RIN2: variants seen among roughly 807,000 people sequenced by gnomAD.
RIN2 encodes the protein Ras and Rab interactor 2.
In RIN2, 36 loss-of-function variants were observed where a neutral mutation model predicts 78.0. The ratio of observed to expected loss-of-function variants is 0.46; its 90% CI spans 0.35 to 0.61. The LOEUF (loss-of-function observed/expected upper bound fraction) is 0.61, where lower values mean the gene tolerates loss of function less well. Ranked by LOEUF, RIN2 falls within the 20% of genes least tolerant of loss-of-function variation. The pLI, the probability that RIN2 is intolerant of heterozygous loss-of-function variation, is 0.00. For missense variants in RIN2, 1,087 were observed against 1,159.7 expected, an observed-to-expected ratio of 0.94 and a Z score of 0.91; for synonymous variants, 466 against 466.8, an observed-to-expected ratio of 1.00 and a Z score of 0.02.
At chr20:19,939,490 G>A (rs770852078) in intron 4 of RIN2, among the ~76,000 whole-genome samples, 8 of 152,200 alleles carry the variant, frequency 5.3e-5, no homozygotes, top group Non-Finnish European at 8.8e-5. Context: ...GTTCACCTAA[G>A]TCCAAGACAC....
intron 2 of RIN2, chr20:19,886,817 G>A: frequency 7.6e-7 from 1 of 1,316,132 alleles, no homozygotes. Flanking sequence ...CTGTTACTGG[G>A]ATGGTTTTAG....
intron 2 of RIN2, among the ~76,000 whole-genome samples, chr20:19,833,503 ATGTCCCT>A (rs1239959370): frequency 6.6e-6 from 1 of 152,152 alleles, no homozygotes; most frequent in Non-Finnish European, 1.5e-5. Context: ...TTAAGTACAA[ATGTCCCT>A]TGGTGTTCAG....
At chr20:19,796,086 G>GAAAAAAAAGA (rs1555820689) in intron 1 of RIN2, among the ~76,000 whole-genome samples, 6 of 123,222 alleles carry the variant, frequency 4.9e-5, no homozygotes. Flanking sequence ...AAAGAGCAAA[G>GAAAAAAAAGA]AAAAAAAAGA....
At chr20:19,855,229 G>A (rs1475663528) in intron 2 of RIN2, among the ~76,000 whole-genome samples, 1 of 152,114 alleles carries the variant, frequency 6.6e-6, no homozygotes, top group African/African-American at 2.4e-5. Context: ...CAGGGATGAA[G>A]CCCACTTGAT....
chr20:19,965,067 T>C, intron 7 of RIN2, 43 bp downstream of exon 7: 2 of 1,502,214 alleles, frequency 1.3e-6, no homozygotes, highest in South Asian at 1.1e-5. Context: ...CCCTGTTTGG[T>C]GTGTGGGATA....
intron 12 of RIN2, among the ~76,000 whole-genome samples, chr20:19,999,866 G>A (rs1019679616): frequency 1.3e-5 from 2 of 152,148 alleles, no homozygotes; most frequent in African/African-American, 4.8e-5. Flanking sequence ...TTCTCCTTCT[G>A]ACTTTTTCCA....
chr20:19,775,163 G>A (rs1354205103), intron 1 of RIN2, among the ~76,000 whole-genome samples: 2 of 152,144 alleles, frequency 1.3e-5, no homozygotes, highest in Non-Finnish European at 2.9e-5. Context: ...CAAATGCATT[G>A]GTAGCAGTTT....
chr20:19,920,011 C>G (rs2039844406), intron 3 of RIN2, among the ~76,000 whole-genome samples: 1 of 151,926 alleles, frequency 6.6e-6, no homozygotes. Context: ...AACGTCATCC[C>G]AGGCCGGGCG....
chr20:19,993,289 GT>G (rs1276242703), intron 11 of RIN2, among the ~76,000 whole-genome samples: 3 of 149,630 alleles, frequency 2.0e-5, no homozygotes, highest in Non-Finnish European at 4.4e-5. Context: ...TTTTTTTCCC[GT>G]GAGTTTCAGT....
At chr20:19,904,459 A>AG (rs1166871006) in intron 3 of RIN2, among the ~76,000 whole-genome samples, 1 of 151,944 alleles carries the variant, frequency 6.6e-6, no homozygotes, top group Non-Finnish European at 1.5e-5. Flanking sequence ...GATGGGGATG[A>AG]GGGGCAGGGC....
chr20:19,853,407 A>G (rs567099497), intron 2 of RIN2, among the ~76,000 whole-genome samples: 2 of 152,234 alleles, frequency 1.3e-5, no homozygotes, highest in East Asian at 3.9e-4. Flanking sequence ...CAGTAATGGG[A>G]TGGCTGGGTC....
chr20:19,952,222 G>C (rs1008391273), intron 4 of RIN2, among the ~76,000 whole-genome samples: 1 of 152,198 alleles, frequency 6.6e-6, no homozygotes, highest in East Asian at 1.9e-4. Flanking sequence ...TATGTCACTG[G>C]CAGTGAGTCT....
chr20:19,926,597 A>G (rs1834906089), intron 3 of RIN2, among the ~76,000 whole-genome samples: 1 of 152,044 alleles, frequency 6.6e-6, no homozygotes. Flanking sequence ...CTGTTTGGGT[A>G]ATGCGGTTTT....
At chr20:19,979,801 A>G (rs199585) in intron 9 of RIN2, among the ~76,000 whole-genome samples, 59,780 of 151,518 alleles carry the variant, frequency 0.39, 12,038 homozygotes, top group Non-Finnish European at 0.44. Flanking sequence ...TCAGCACTTA[A>G]GGAGGCCGAG....
chr20:19,767,751 C>G (rs1385594426), intron 1 of RIN2, among the ~76,000 whole-genome samples: 1 of 151,778 alleles, frequency 6.6e-6, no homozygotes, highest in African/African-American at 2.4e-5. Flanking sequence ...ATGGCGAAAC[C>G]CTGTCTCTAC....
intron 1 of RIN2, among the ~76,000 whole-genome samples, chr20:19,778,544 A>G (rs547597431): frequency 6.6e-5 from 10 of 152,306 alleles, no homozygotes; most frequent in African/African-American, 1.7e-4. Flanking sequence ...CACAAATCCA[A>G]TAAGTACTGC....
chr20:19,797,548 C>CA (rs2035095766), intron 1 of RIN2, among the ~76,000 whole-genome samples: 1 of 152,182 alleles, frequency 6.6e-6, no homozygotes, highest in Non-Finnish European at 1.5e-5. Context: ...ACCCTGAATA[C>CA]AGTGGGGCAG....
At chr20:19,926,230 A>G (rs1194767756) in intron 3 of RIN2, among the ~76,000 whole-genome samples, 1 of 152,218 alleles carries the variant, frequency 6.6e-6, no homozygotes, top group East Asian at 1.9e-4. Context: ...TTTTAAGTAC[A>G]ATCATTTATT....
intron 7 of RIN2, among the ~76,000 whole-genome samples, chr20:19,969,418 G>T (rs1296673233): frequency 6.6e-6 from 1 of 152,172 alleles, no homozygotes; most frequent in Non-Finnish European, 1.5e-5. Flanking sequence ...TGCCTGGAAG[G>T]TCCTTCCCCT....
Sources: gnomAD v4.1 joint callset for allele counts (sites outside exome capture counted in the v4.1 genomes callset) on GRCh38, gnomAD v4.1.1 for gene constraint, MANE v1.5 for transcripts, NCBI Gene and HGNC (gene_info 2026-07-23, HGNC 2026-07-21) for gene names.